The following GAREM1 variants were observed in gnomAD, a reference collection of about 807,000 sequenced individuals.
GAREM1 encodes the protein GRB2-associated and regulator of MAPK protein 1.
In GAREM1, 26 loss-of-function variants were observed where a neutral mutation model predicts 71.3. The ratio of observed to expected loss-of-function variants is 0.36; its 90% CI spans 0.27 to 0.51. The LOEUF is 0.51. Ranked by LOEUF, GAREM1 falls within the 20% of genes least tolerant of loss-of-function variation. The pLI is 0.95. For synonymous variants in GAREM1, 440 were observed against 433.2 expected, an observed-to-expected ratio of 1.02 and a Z score of -0.20; for missense variants, 1,026 against 1,103.1, an observed-to-expected ratio of 0.93 and a Z score of 0.99.
chr18:32,328,692 C>G (rs1313431716), intron 2 of GAREM1, among the ~76,000 whole-genome samples: 1 of 152,150 alleles, frequency 6.6e-6, no homozygotes, highest in Non-Finnish European at 1.5e-5. Context: ...CACTTAGTCT[C>G]TGGTGCTGGT....
At chr18:32,314,072 T>C (rs2047351752) in intron 2 of GAREM1, among the ~76,000 whole-genome samples, 1 of 150,718 alleles carries the variant, frequency 6.6e-6, no homozygotes, top group Non-Finnish European at 1.5e-5. Context: ...TTACAGTACA[T>C]ACTTTTTGAC....
In GAREM1 at chr18:32,340,962, AGAATT is replaced by A. The variant is rs1482720585; in HGVS notation, c.263-30644_263-30640del. ...AATATATAAAACAACTGGATGAAAA[AGAATT>A]GATGTGTATTGGATTATTTTTTTTT... is the stretch of plus-strand genomic sequence containing the variant. On this transcript the variant is annotated intron_variant, in intron 2 of 5. Coordinates refer to ENST00000269209, the MANE Select transcript of GAREM1 (RefSeq NM_001242409.2). Among the ~76,000 whole-genome samples the A allele has an allele frequency of 5.9e-5, 9 of 152,260 alleles. No homozygotes were observed. The South Asian group carries it at 1.2e-3, about 21-fold the overall frequency.
At chr18:32,469,825 G>C (rs1194455587) in intron 1 of GAREM1, among the ~76,000 whole-genome samples, 1 of 152,206 alleles carries the variant, frequency 6.6e-6, no homozygotes, top group Non-Finnish European at 1.5e-5. Flanking sequence ...AGGTCTCTGA[G>C]AAATGTGATC....
At chr18:32,330,005 GA>G (rs2047516063) in intron 2 of GAREM1, among the ~76,000 whole-genome samples, 1 of 150,264 alleles carries the variant, frequency 6.7e-6, no homozygotes, top group African/African-American at 2.5e-5. Context: ...AACAAAAATA[GA>G]TTTTTGACAA....
chr18:32,352,876 G>C (rs1196200589), intron 2 of GAREM1, among the ~76,000 whole-genome samples: 1 of 152,142 alleles, frequency 6.6e-6, no homozygotes, highest in African/African-American at 2.4e-5. Flanking sequence ...ATGGGACAGA[G>C]GAGTTCTCAA....
In GAREM1 at chr18:32,470,691, C is replaced by G. The variant is rs951840661; in HGVS notation, c.-263G>C. 1.7e-4 allele frequency among the ~76,000 whole-genome samples: 25 copies of G among 149,780 alleles called. No homozygotes were observed. The highest frequency in any genetic ancestry group is 3.6e-4 in the Non-Finnish European group (24 of 67,278). On this transcript the variant is annotated 5_prime_UTR_variant, in exon 1 of 6. Transcript: ENST00000269209. The surrounding 1 kb of genome is among the most constrained non-coding windows in gnomAD (Gnocchi z 4.4). ...GAGAAGACTCAGAGCAGCCGCGCGG[C>G]TGCGGGCGGCGGCGGCGGCCCGGGT...
intron 1 of GAREM1, among the ~76,000 whole-genome samples, chr18:32,424,890 C>G (rs1045473474): frequency 6.6e-6 from 1 of 152,110 alleles, no homozygotes; most frequent in Non-Finnish European, 1.5e-5. Flanking sequence ...GTCCCTTGTT[C>G]TGTGTTGTAA....
At chr18:32,368,830 T>TA (rs2047950703) in intron 2 of GAREM1, among the ~76,000 whole-genome samples, 1 of 152,206 alleles carries the variant, frequency 6.6e-6, no homozygotes, top group South Asian at 2.1e-4. Flanking sequence ...CTGAGAAACT[T>TA]AGTTTCCTGG....
At chr18:32,316,215 A>G (rs1475717529) in intron 2 of GAREM1, among the ~76,000 whole-genome samples, 2 of 152,232 alleles carry the variant, frequency 1.3e-5, no homozygotes, top group African/African-American at 4.8e-5. Context: ...TAACAGCTAA[A>G]TATGGCCAAA....
intron 1 of GAREM1, among the ~76,000 whole-genome samples, chr18:32,469,944 T>C (rs927786424): frequency 6.6e-6 from 1 of 152,148 alleles, no homozygotes; most frequent in Admixed American, 6.5e-5. Flanking sequence ...CACAATGATA[T>C]TCTCAAGAAA....
chr18:32,360,611 A>G lies in GAREM1; in HGVS notation c.262+32284T>C, dbSNP rs552102993. On this transcript the variant is annotated intron_variant, in intron 2 of 5. Coordinates refer to ENST00000269209, the MANE Select transcript of GAREM1 (RefSeq NM_001242409.2). ...AAAAAGGAATCCTCCTGCCTATAGG[A>G]GTTATGCCTGGCCAGCAAACACCCC... Among the ~76,000 whole-genome samples, 8 of 151,972 alleles carry G rather than the reference A, an allele frequency of 5.3e-5. No homozygotes were observed. In the East Asian group the frequency reaches 1.5e-3, roughly 29 times the overall value.
chr18:32,363,581 T>C (rs1271509461), intron 2 of GAREM1, among the ~76,000 whole-genome samples: 1 of 152,186 alleles, frequency 6.6e-6, no homozygotes, highest in Non-Finnish European at 1.5e-5. Context: ...TCTTCACCCC[T>C]AACTAAATCA....
intron 1 of GAREM1, among the ~76,000 whole-genome samples, chr18:32,396,904 G>C (rs1323366771): frequency 1.3e-5 from 2 of 152,170 alleles, no homozygotes; most frequent in East Asian, 3.8e-4. Flanking sequence ...GGCAGCCAGA[G>C]AGAAAGGTCG....
rs1568018903 is a variant in GAREM1, at chr18:32,457,220, A to AT, written c.121+13087_121+13088insA. ...TGTGTAGGGGGGGAGAGAGAGAGAG[A>AT]GAGAGAGTGTGTGTGTGTGTGTGTG... On this transcript the variant is annotated intron_variant, in intron 1 of 5. Coordinates refer to ENST00000269209, the MANE Select transcript of GAREM1 (RefSeq NM_001242409.2). Among the ~76,000 whole-genome samples, 155 of 109,394 alleles carry AT rather than the reference A, an allele frequency of 1.4e-3. 1 individual carries two copies. Among genetic ancestry groups the AT allele is most frequent in the African/African-American group, 4.8e-3 (136 of 28,280 alleles). 71.8% of individuals were successfully genotyped at this position (109,394 alleles called of 152,430 possible).
intron 2 of GAREM1, among the ~76,000 whole-genome samples, chr18:32,320,908 C>G (rs994978776): frequency 5.3e-5 from 8 of 152,296 alleles, no homozygotes; most frequent in Middle Eastern, 3.4e-3. Context: ...CTAGAAAGGT[C>G]TTAGATTGAA....
chr18:32,335,911 G>T (rs1567969008), intron 2 of GAREM1, among the ~76,000 whole-genome samples: 1 of 152,192 alleles, frequency 6.6e-6, no homozygotes, highest in Admixed American at 6.5e-5. Flanking sequence ...CTGATGGTGG[G>T]CTGTGGAAGA....
At chr18:32,466,725 C>CACATT (rs1348106983) in intron 1 of GAREM1, among the ~76,000 whole-genome samples, 2 of 152,118 alleles carry the variant, frequency 1.3e-5, no homozygotes, top group Non-Finnish European at 2.9e-5. Flanking sequence ...TGGTCCTAAG[C>CACATT]ACATTTGCTG....
At chr18:32,467,768 G>T (rs1251658971) in intron 1 of GAREM1, among the ~76,000 whole-genome samples, 1 of 152,134 alleles carries the variant, frequency 6.6e-6, no homozygotes, top group African/African-American at 2.4e-5. Flanking sequence ...TAAGTATAGG[G>T]TGGGCGTGTG....
intron 2 of GAREM1, among the ~76,000 whole-genome samples, chr18:32,374,261 T>C (rs1003047191): frequency 1.3e-5 from 2 of 152,256 alleles, no homozygotes; most frequent in African/African-American, 4.8e-5. Context: ...GCTTTCTACA[T>C]TGCGTTCAGT....
Sources: gnomAD v4.1 joint callset for allele counts (sites outside exome capture counted in the v4.1 genomes callset) on GRCh38, gnomAD v4.1.1 for gene constraint, Gnocchi (gnomAD v3.1) non-coding constraint, MANE v1.5 for transcripts, NCBI Gene and HGNC (gene_info 2026-07-23, HGNC 2026-07-21) for gene names.